The following HERC6 variants were observed in gnomAD, a reference collection of about 807,000 sequenced individuals.
HERC6 encodes the protein HECT and RLD domain containing E3 ubiquitin protein ligase family member 6.
In HERC6, 101 loss-of-function variants were observed where a neutral mutation model predicts 114.5. That is an observed-to-expected ratio of 0.88 (90% CI 0.75 to 1.04). The LOEUF is 1.04. HERC6 is among the 50% of genes least tolerant of loss of function. HERC6 has a pLI of 0.00. For missense variants in HERC6, 1,133 were observed against 1,230.9 expected (o/e 0.92, Z 1.19); for synonymous variants, 408 against 436.2 (o/e 0.94, Z 0.81).
At chr4:88,409,648 C>T (rs552599619) in intron 11 of HERC6, among the ~76,000 whole-genome samples, 1 of 152,266 alleles carries the variant, frequency 6.6e-6, no homozygotes, top group South Asian at 2.1e-4. Flanking sequence ...AACTGAAAAG[C>T]CACTTCTGTA....
intron 13 of HERC6, among the ~76,000 whole-genome samples, 165 bp downstream of exon 13, chr4:88,417,744 TTAA>T (rs1736630103): frequency 6.6e-6 from 1 of 152,170 alleles, no homozygotes; most frequent in Non-Finnish European, 1.5e-5. Context: ...AATTAGGGAT[TTAA>T]AAGTTGAGAA....
chr4:88,420,065 C>A (rs1411354475), intron 13 of HERC6, among the ~76,000 whole-genome samples: 1 of 151,956 alleles, frequency 6.6e-6, no homozygotes, highest in African/African-American at 2.4e-5. Flanking sequence ...GTTTCATTCT[C>A]TCTTACTATA....
At chr4:88,394,528 A>AATG (rs1735112543) in intron 5 of HERC6, among the ~76,000 whole-genome samples, 1 of 142,304 alleles carries the variant, frequency 7.0e-6, no homozygotes, top group Non-Finnish European at 1.5e-5. Flanking sequence ...CCCTTTTAGC[A>AATG]ATTATTATTA....
In HERC6 at chr4:88,379,011, C is replaced by G. The variant is rs1490121779; in HGVS notation, c.90C>G (p.Ser30Arg). The change falls in exon 1 of 23, where the codon AGC (serine) becomes AGG (arginine). Residue 30 changes from serine to arginine, a missense_variant. Physicochemically the swap from Ser to Arg is moderately radical, Grantham distance 110. Coordinates refer to ENST00000264346, the MANE Select transcript of HERC6 (RefSeq NM_017912.4). ...SPGAELLQAA[S>R]GERHSLLLLT... ...GGGCTGAGCTACTGCAGGCGGCCAGCGGGGAGCGCCACTCTCTGCTGCTGC... is the reference window on the plus strand; with the variant it reads ...GGGCTGAGCTACTGCAGGCGGCCAGGGGGGAGCGCCACTCTCTGCTGCTGC... The G allele has an allele frequency of 6.4e-7, 1 of 1,571,316 alleles. No homozygotes were observed. Among genetic ancestry groups the G allele is most frequent in the South Asian group, 1.2e-5 (1 of 85,738 alleles).
intron 11 of HERC6, among the ~76,000 whole-genome samples, chr4:88,411,096 C>T (rs1474614577): frequency 1.3e-5 from 2 of 151,964 alleles, no homozygotes; most frequent in Non-Finnish European, 1.5e-5. Flanking sequence ...AAGGGACAGG[C>T]GGAAAGTGTT....
At chr4:88,379,199 C>A in intron 1 of HERC6, 79 bp downstream of exon 1, 1 of 1,208,584 alleles carries the variant, frequency 8.3e-7, no homozygotes, top group Non-Finnish European at 1.1e-6. Context: ...GCGCAGGGAA[C>A]CGGGTGCGGA....
chr4:88,426,489 C>T (rs1445969012), intron 15 of HERC6, among the ~76,000 whole-genome samples: 1 of 141,782 alleles, frequency 7.1e-6, no homozygotes, highest in Non-Finnish European at 1.5e-5. Flanking sequence ...TTATCATCAT[C>T]ATCATCTTAA....
chr4:88,420,736 A>G (rs140272826), intron 13 of HERC6, among the ~76,000 whole-genome samples: 5,557 of 152,272 alleles, frequency 0.036, 312 homozygotes, highest in African/African-American at 0.13. Flanking sequence ...GTTTGAGACC[A>G]GCCTGGGCAA....
At chr4:88,384,428 A>G (rs1412546980) in intron 2 of HERC6, among the ~76,000 whole-genome samples, 1 of 152,210 alleles carries the variant, frequency 6.6e-6, no homozygotes, top group East Asian at 1.9e-4. Context: ...TTTACTTAGT[A>G]AAGTGGAGGG....
In HERC6 at chr4:88,393,589, C is replaced by G; in HGVS notation, c.759+7C>G. The G allele has an allele frequency of 6.3e-7, 1 of 1,580,380 alleles. No individual in the cohort carries two copies. Among genetic ancestry groups the G allele is most frequent in the Non-Finnish European group, 8.7e-7 (1 of 1,152,070 alleles). ...CACTGCGGTGCTTACCCAGGTAATC[C>G]AAAACGTGTTGCTATTTTTTTGAGT... On this transcript the variant is annotated splice_region_variant and intron_variant, in intron 5 of 22. Transcript: ENST00000264346.
intron 7 of HERC6, 75 bp from the exon 8 acceptor site, chr4:88,398,067 T>G: frequency 1.1e-6 from 1 of 898,858 alleles, no homozygotes; most frequent in Non-Finnish European, 1.7e-6. Flanking sequence ...AGTAAATAAA[T>G]TTTTGGCTTG....
rs1445470837 is a variant in HERC6, at chr4:88,435,852, C to G, written c.2378C>G (p.Ser793Ter). 1 of 1,609,680 alleles carries G rather than the reference C, an allele frequency of 6.2e-7. No individual in the cohort carries two copies. The highest frequency in any genetic ancestry group is 8.5e-7 in the Non-Finnish European group (1 of 1,178,204). ...LYKKLLDQKP[S>*]LEDLKELSPR... Reference sequence around the variant, plus strand: ...AAAAAACTTCTGGACCAAAAGCCATCATTGGAAGATTTAAAAGAACTCAGT... The same window carrying G: ...AAAAAACTTCTGGACCAAAAGCCATGATTGGAAGATTTAAAAGAACTCAGT... Residue 793 changes from serine (S) to a stop codon, truncating the protein, a stop_gained, in exon 18 of 23, where the codon TCA becomes TGA. Coordinates refer to ENST00000264346, the MANE Select transcript of HERC6 (RefSeq NM_017912.4). LOFTEE classifies it high-confidence loss of function.
intron 8 of HERC6, among the ~76,000 whole-genome samples, chr4:88,403,154 A>G (rs1210424002): frequency 6.6e-6 from 1 of 152,214 alleles, no homozygotes; most frequent in Non-Finnish European, 1.5e-5. Context: ...CAAGTATTAT[A>G]TAGAGCAATG....
intron 4 of HERC6, among the ~76,000 whole-genome samples, 182 bp from the exon 5 acceptor site, chr4:88,393,304 TAA>T (rs146887887): frequency 4.8e-5 from 7 of 145,566 alleles, no homozygotes; most frequent in South Asian, 2.2e-4. Flanking sequence ...ACCCCTTACA[TAA>T]AAAAAAAAGA....
rs761602121 is a variant in HERC6 at position 88,442,275 on chromosome 4, C to A, written c.2884C>A (p.Gln962Lys). The A allele has an allele frequency of 5.0e-6, 8 of 1,613,340 alleles. No homozygotes were observed. In the South Asian group the frequency reaches 8.8e-5, roughly 18 times the overall value. ...TGATAGGCTGCATGCAAGAGGCATA[C>A]AGAAAATGGAAATAGTATTTCGCTG... ...GRDRLHARGI[Q>K]KMEIVFRCPE... The change falls in exon 23 of 23, where the codon CAG becomes AAG. Residue 962 changes from glutamine (Q) to lysine (K), a missense_variant. This residue lies in a region of HERC6 where 388 missense variants were observed against 445.9 expected (regional missense o/e 0.87). Coordinates refer to ENST00000264346, the MANE Select transcript of HERC6 (RefSeq NM_017912.4).
intron 14 of HERC6, 90 bp downstream of exon 14, chr4:88,424,063 C>A: frequency 1.6e-6 from 1 of 628,800 alleles, no homozygotes; most frequent in South Asian, 2.5e-5. Flanking sequence ...TTTGATAAAT[C>A]AGGATTTGAA....
Position 88,404,959 on chromosome 4 carries a change from A to G in HERC6, c.1176A>G (p.Ala392=). The G allele has an allele frequency of 1.2e-6, 2 of 1,613,852 alleles. No homozygotes were observed. The highest frequency in any genetic ancestry group is 1.7e-6 in the Non-Finnish European group (2 of 1,179,782). Residue 392 remains alanine (A), a synonymous_variant, in exon 9 of 23, where the codon GCA becomes GCG. Transcript: ENST00000264346. ...AGTCCATGGCAGAAAAATGGATAGCAGTGAAAAGAAGAAGTACTGAACATG... is the reference window on the plus strand; with the variant it reads ...AGTCCATGGCAGAAAAATGGATAGCGGTGAAAAGAAGAAGTACTGAACATG... ...ISQSMAEKWI[A]VKRRSTEHEM...
intron 13 of HERC6, among the ~76,000 whole-genome samples, chr4:88,420,143 T>G (rs1415919115): frequency 6.6e-6 from 1 of 152,166 alleles, no homozygotes; most frequent in East Asian, 1.9e-4. Context: ...TTAAATTTAC[T>G]TCTTAATAAA....
At position 88,439,883 on chromosome 4, in the gene HERC6, T is replaced by C. The variant is rs1379951574; in HGVS notation, c.2565T>C (p.Tyr855=). 19 of 1,453,096 alleles carry C rather than the reference T, an allele frequency of 1.3e-5. No individual in the cohort carries two copies. Among genetic ancestry groups the C allele is most frequent in the Non-Finnish European group, 1.7e-5 (19 of 1,087,054 alleles). The allele number at this position is 1,453,096 out of a possible 1,614,324, so 90.0% of individuals were successfully genotyped here. ...TTTTGCTTCCCTCAAGGAGAGACTA[T>C]GTTTCTAAGTATATTGATTACATTT... ...IPVDQTNKRD[Y]VSKYIDYIFN... Residue 855 remains tyrosine, a synonymous_variant, in exon 21 of 23, where the codon TAT becomes TAC. Coordinates refer to ENST00000264346, the MANE Select transcript of HERC6 (RefSeq NM_017912.4).
Sources: gnomAD v4.1 joint callset for allele counts (sites outside exome capture counted in the v4.1 genomes callset) on GRCh38, gnomAD v4.1.1 for gene constraint, gnomAD v4.1.1 regional missense constraint, MANE v1.5 for transcripts, NCBI Gene and HGNC (gene_info 2026-07-23, HGNC 2026-07-21) for gene names.